SH3GL2: variants seen among roughly 807,000 people sequenced by gnomAD.
The protein encoded by SH3GL2 is endophilin-A1.
SH3GL2 carries 24 observed loss-of-function variants against 46.0 expected under a neutral mutation model. The ratio of observed to expected loss-of-function variants is 0.52; its 90% CI spans 0.38 to 0.73. The LOEUF is 0.73. Among genes scored for constraint, SH3GL2 ranks in the 30% least tolerant of loss-of-function variants. The pLI is 0.00. For synonymous variants in SH3GL2, 196 were observed against 147.1 expected (o/e 1.33, Z -2.40); for missense variants, 413 against 424.2 (o/e 0.97, Z 0.23).
intron 1 of SH3GL2, among the ~76,000 whole-genome samples, chr9:17,646,828 C>A (rs184030389): frequency 6.6e-6 from 1 of 152,320 alleles, no homozygotes; most frequent in East Asian, 1.9e-4. Context: ...TGGGAGATGT[C>A]TCCCCATCAG....
intron 1 of SH3GL2, among the ~76,000 whole-genome samples, chr9:17,614,797 G>T (rs1182170857): frequency 6.6e-6 from 1 of 152,148 alleles, no homozygotes; most frequent in Non-Finnish European, 1.5e-5. Flanking sequence ...GTTTGTCTTT[G>T]CTCTTTCTCT....
At chr9:17,762,451 G>A (rs1823205903) in intron 3 of SH3GL2, among the ~76,000 whole-genome samples, 2 of 151,298 alleles carry the variant, frequency 1.3e-5, no homozygotes, top group African/African-American at 2.4e-5. Context: ...GCAGGTGTGT[G>A]CTGTACTAAG....
chr9:17,640,850 C>CT (rs1330260275), intron 1 of SH3GL2, among the ~76,000 whole-genome samples: 2 of 152,114 alleles, frequency 1.3e-5, no homozygotes, highest in Admixed American at 6.5e-5. Context: ...GGCCTAATCA[C>CT]TTTTTTCTTT....
intron 1 of SH3GL2, among the ~76,000 whole-genome samples, chr9:17,738,569 T>TATACATATGTGTGTATGTATATACATAC (rs1563833753): frequency 2.7e-4 from 24 of 88,050 alleles, no homozygotes; most frequent in South Asian, 8.5e-4. Flanking sequence ...TACATACATA[T>TATACATATGTGTGTATGTATATACATAC]ATATATAGAG....
chr9:17,587,351 A>G (rs1320903023), intron 1 of SH3GL2, among the ~76,000 whole-genome samples: 1 of 152,206 alleles, frequency 6.6e-6, no homozygotes, highest in Non-Finnish European at 1.5e-5. Flanking sequence ...CCTGCCTGCC[A>G]GTAGAGGAAG....
At chr9:17,618,939 C>T (rs564124802) in intron 1 of SH3GL2, among the ~76,000 whole-genome samples, 10 of 151,890 alleles carry the variant, frequency 6.6e-5, no homozygotes, top group Non-Finnish European at 1.2e-4. Context: ...AAAAATTCAG[C>T]GCTTTTAGTA....
chr9:17,642,894 C>A (rs1484918475), intron 1 of SH3GL2, among the ~76,000 whole-genome samples: 2 of 152,012 alleles, frequency 1.3e-5, no homozygotes, highest in African/African-American at 4.8e-5. Flanking sequence ...TTTTCTAATT[C>A]TGTGAAGTAG....
At chr9:17,709,549 A>G (rs1009725970) in intron 1 of SH3GL2, among the ~76,000 whole-genome samples, 15 of 151,896 alleles carry the variant, frequency 9.9e-5, no homozygotes, top group African/African-American at 3.6e-4. Context: ...AGAGCATCCT[A>G]AAGGAGCTTA....
intron 1 of SH3GL2, among the ~76,000 whole-genome samples, chr9:17,622,612 TA>T (rs1033040656): frequency 8.0e-4 from 122 of 152,254 alleles, no homozygotes; most frequent in African/African-American, 2.6e-3. Context: ...TGATACCAAT[TA>T]AAAAATGTGG....
intron 2 of SH3GL2, 88 bp downstream of exon 2, chr9:17,747,222 G>T: frequency 1.4e-6 from 1 of 730,862 alleles, no homozygotes; most frequent in Non-Finnish European, 2.4e-6. Flanking sequence ...GAGGGCAACT[G>T]TTTTCCACTG....
intron 1 of SH3GL2, among the ~76,000 whole-genome samples, chr9:17,660,575 A>G (rs1000515110): frequency 4.6e-5 from 7 of 152,164 alleles, no homozygotes; most frequent in Non-Finnish European, 1.0e-4. Context: ...TGTAGTGAAG[A>G]GAAAGTTTAA....
intron 1 of SH3GL2, among the ~76,000 whole-genome samples, chr9:17,661,461 T>C (rs1005919960): frequency 1.3e-5 from 2 of 152,110 alleles, no homozygotes; most frequent in African/African-American, 4.8e-5. Flanking sequence ...AAAGTAAAGA[T>C]GAAGAAGGAA....
chr9:17,749,093 C>G (rs902723046), intron 2 of SH3GL2, among the ~76,000 whole-genome samples: 5 of 152,198 alleles, frequency 3.3e-5, no homozygotes, highest in African/African-American at 1.2e-4. Flanking sequence ...CTTCAGAAGT[C>G]TGGAAAACCA....
intron 3 of SH3GL2, among the ~76,000 whole-genome samples, chr9:17,785,133 C>CTACA (rs1300236025): frequency 1.3e-5 from 2 of 152,144 alleles, no homozygotes; most frequent in African/African-American, 4.8e-5. Context: ...AGCCTAACTG[C>CTACA]TACATACTGT....
chr9:17,656,652 C>G (rs921134381), intron 1 of SH3GL2, among the ~76,000 whole-genome samples: 1 of 150,520 alleles, frequency 6.6e-6, no homozygotes, highest in South Asian at 2.1e-4. Flanking sequence ...ATATTCAGAT[C>G]TATTGAGGAG....
chr9:17,705,602 C>T (rs991635336), intron 1 of SH3GL2, among the ~76,000 whole-genome samples: 1 of 151,972 alleles, frequency 6.6e-6, no homozygotes, highest in Non-Finnish European at 1.5e-5. Context: ...TTTATATACA[C>T]CACGGAGTAC....
chr9:17,651,564 T>C (rs764409287), intron 1 of SH3GL2, among the ~76,000 whole-genome samples: 86 of 152,346 alleles, frequency 5.6e-4, no homozygotes, highest in Admixed American at 2.5e-3. Flanking sequence ...TGCAGAATTG[T>C]GTAGTTAGTT....
chr9:17,643,563 A>G (rs930655187), intron 1 of SH3GL2, among the ~76,000 whole-genome samples: 4 of 151,964 alleles, frequency 2.6e-5, no homozygotes, highest in African/African-American at 4.8e-5. Flanking sequence ...TACCGACCTT[A>G]TGGAGTGTTT....
intron 1 of SH3GL2, among the ~76,000 whole-genome samples, chr9:17,692,102 C>T (rs1365074228): frequency 6.6e-6 from 1 of 151,900 alleles, no homozygotes; most frequent in African/African-American, 2.4e-5. Context: ...AGAGACCAAA[C>T]AAGTATATAT....
Sources: allele counts gnomAD v4.1 joint callset (sites outside exome capture counted in the v4.1 genomes callset), GRCh38; gene constraint gnomAD v4.1.1; transcripts MANE v1.5; gene names NCBI Gene and HGNC (gene_info 2026-07-23, HGNC 2026-07-21).